The following THSD7A variants were observed in gnomAD, a reference collection of about 807,000 sequenced individuals.
THSD7A encodes the protein thrombospondin type-1 domain-containing protein 7A.
In THSD7A, 96 loss-of-function variants were observed where a neutral mutation model predicts 231.3. The observed-to-expected ratio is 0.41, with a 90% CI of 0.35 to 0.49. The LOEUF is 0.49. Ranked by LOEUF, THSD7A falls within the 20% of genes least tolerant of loss-of-function variation. The pLI is 0.05. For synonymous variants in THSD7A, 940 were observed against 743.3 expected (o/e 1.26, Z -4.30); for missense variants, 2,290 against 2,070.2 (o/e 1.11, Z -2.06).
intron 1 of THSD7A, among the ~76,000 whole-genome samples, chr7:11,748,533 G>T (rs75957631): frequency 0.043 from 6,506 of 151,780 alleles, 470 homozygotes; most frequent in African/African-American, 0.15. Context: ...TCAATATTTC[G>T]GTAATTTAAA....
At chr7:11,658,733 G>A (rs1225529008) in intron 1 of THSD7A, among the ~76,000 whole-genome samples, 3 of 151,632 alleles carry the variant, frequency 2.0e-5, no homozygotes, top group Admixed American at 1.3e-4. Context: ...TACGTTATTC[G>A]ATTTCTTGCG....
At chr7:11,528,416 G>A (rs919284811) in intron 6 of THSD7A, among the ~76,000 whole-genome samples, 3 of 152,098 alleles carry the variant, frequency 2.0e-5, no homozygotes, top group African/African-American at 7.2e-5. Flanking sequence ...AAGTAGATGG[G>A]ATATACTGCT....
chr7:11,507,063 T>C (rs1006045804), intron 6 of THSD7A, among the ~76,000 whole-genome samples: 1 of 152,192 alleles, frequency 6.6e-6, no homozygotes, highest in African/African-American at 2.4e-5. Flanking sequence ...AGAACATTCT[T>C]ATTAAATGTT....
chr7:11,476,050 CT>C (rs950928662), intron 7 of THSD7A, among the ~76,000 whole-genome samples: 2 of 144,406 alleles, frequency 1.4e-5, no homozygotes, highest in African/African-American at 2.6e-5. Context: ...TTAAATGAAA[CT>C]TGTTAGGATC....
Position 11,654,688 on chromosome 7 carries a change from G to T in THSD7A, c.191-17727C>A, listed in dbSNP as rs565256883. 1.4e-4 allele frequency among the ~76,000 whole-genome samples: 21 copies of T among 151,898 alleles called. No homozygotes were observed. The East Asian group carries it at 4.1e-3, about 30-fold the overall frequency. ...ATAACTTAAAAAATATATTAGTATT[G>T]GTTTATGTGGCCAATCTGTATTTCA... On this transcript the variant is annotated intron_variant, in intron 1 of 27. Transcript: ENST00000423059.
intron 4 of THSD7A, among the ~76,000 whole-genome samples, chr7:11,588,507 T>G (rs1780011290): frequency 6.6e-6 from 1 of 152,248 alleles, no homozygotes; most frequent in South Asian, 2.1e-4. Context: ...GACCTTTGCT[T>G]TGGCATTTGC....
intron 1 of THSD7A, among the ~76,000 whole-genome samples, chr7:11,644,237 A>T (rs1301576445): frequency 2.0e-5 from 3 of 151,994 alleles, no homozygotes; most frequent in Admixed American, 2.0e-4. Context: ...AGAAGCAAAC[A>T]TGTGATCTTA....
intron 4 of THSD7A, among the ~76,000 whole-genome samples, chr7:11,549,875 G>C (rs932553612): frequency 1.3e-5 from 2 of 151,956 alleles, no homozygotes; most frequent in Admixed American, 6.6e-5. Context: ...GCACACATTT[G>C]CCTATGTAAT....
chr7:11,567,784 C>CCA (rs1790427279), intron 4 of THSD7A, among the ~76,000 whole-genome samples: 1 of 152,144 alleles, frequency 6.6e-6, no homozygotes, highest in South Asian at 2.1e-4. Flanking sequence ...ACAAGTCAGA[C>CCA]CAGTTTTGCA....
intron 1 of THSD7A, among the ~76,000 whole-genome samples, chr7:11,764,211 A>G (rs1242213705): frequency 6.6e-6 from 1 of 152,240 alleles, no homozygotes; most frequent in African/African-American, 2.4e-5. Flanking sequence ...GTGCTTGACA[A>G]CACAGCTGTC....
intron 4 of THSD7A, among the ~76,000 whole-genome samples, chr7:11,548,689 C>G (rs963524673): frequency 6.6e-6 from 1 of 151,958 alleles, no homozygotes; most frequent in Admixed American, 6.6e-5. Flanking sequence ...ATTCCTGGGA[C>G]AAAAGGTTGG....
intron 4 of THSD7A, among the ~76,000 whole-genome samples, chr7:11,549,134 A>G (rs751135945): frequency 2.0e-5 from 3 of 152,216 alleles, no homozygotes; most frequent in South Asian, 2.1e-4. Context: ...GCCAACAAAC[A>G]TAACAAAAGT....
chr7:11,782,070 A>G (rs1406159303), intron 1 of THSD7A, among the ~76,000 whole-genome samples: 1 of 152,220 alleles, frequency 6.6e-6, no homozygotes, highest in African/African-American at 2.4e-5. Context: ...GGGAAGATAC[A>G]GTCACCTTTG....
rs750540967 is a variant in THSD7A at position 11,406,282 on chromosome 7, C to T, written c.4237+18G>A. The stretch of plus-strand genomic sequence containing the variant: ...GGAAAAAATAATCAGAATATGAATT[C>T]TCCTTTGCCGTTGTTACCTGGGCAA... On this transcript the variant is annotated intron_variant, in intron 22 of 27. Coordinates refer to ENST00000423059, the MANE Select transcript of THSD7A (RefSeq NM_015204.3). The surrounding 1 kb of genome is among the most constrained non-coding windows in gnomAD (Gnocchi z 4.7). The T allele has an allele frequency of 1.3e-6, 2 of 1,590,368 alleles. No individual in the cohort carries two copies. The highest frequency in any genetic ancestry group is 1.2e-5 in the South Asian group (1 of 86,602).
intron 6 of THSD7A, among the ~76,000 whole-genome samples, chr7:11,540,632 ATG>A (rs1789105458): frequency 6.6e-6 from 1 of 152,178 alleles, no homozygotes; most frequent in South Asian, 2.1e-4. Context: ...GTTTTAAAGT[ATG>A]TCTGGGGGAG....
intron 1 of THSD7A, among the ~76,000 whole-genome samples, chr7:11,709,614 G>A (rs1332392245): frequency 6.6e-6 from 1 of 150,970 alleles, no homozygotes; most frequent in Admixed American, 6.6e-5. Flanking sequence ...AAAAAATACA[G>A]TAAGGCCTTA....
At chr7:11,488,608 T>A (rs1052345573) in intron 6 of THSD7A, among the ~76,000 whole-genome samples, 16 of 152,134 alleles carry the variant, frequency 1.1e-4, no homozygotes, top group African/African-American at 3.9e-4. Flanking sequence ...TTTACAAATC[T>A]CGAATCCATT....
Position 11,753,544 on chromosome 7 carries a change from TTCTCTCTCTC to T in THSD7A, c.190+78203_190+78212del, listed in dbSNP as rs35547018. 5.2e-4 allele frequency among the ~76,000 whole-genome samples: 74 copies of T among 141,824 alleles called. 2 individuals carry two copies. Among genetic ancestry groups the T allele is most frequent in the Middle Eastern group, 3.6e-3 (1 of 280 alleles). 93.0% of individuals were successfully genotyped at this position (141,824 alleles called of 152,430 possible). A position where few individuals can be genotyped will look rare whatever the true frequency, so the allele number is the denominator to read the frequency against. ...CAACACTGCTTATATATGCAGCCCT[TTCTCTCTCTC>T]TCTCTCTCTCTCTCTCTCTCTCTGC... On this transcript the variant is annotated intron_variant, in intron 1 of 27. Coordinates refer to ENST00000423059, the MANE Select transcript of THSD7A (RefSeq NM_015204.3).
rs1784974638 is a variant in THSD7A, at chr7:11,446,441, A to C, written c.2801-117T>G. ...TTCTTCATTTTTAACCATATTTAAC[A>C]GTAGCCTATAAATCAATGCTATTTT... On this transcript the variant is annotated intron_variant, in intron 12 of 27. Coordinates refer to ENST00000423059, the MANE Select transcript of THSD7A (RefSeq NM_015204.3). This position sits in a 1 kb window ranked among gnomAD's most constrained non-coding sequence, Gnocchi z 4.0. 2 of 1,163,264 alleles carry C rather than the reference A, an allele frequency of 1.7e-6. No homozygotes were observed. Among genetic ancestry groups the C allele is most frequent in the Non-Finnish European group, 2.4e-6 (2 of 827,554 alleles). 72.1% of individuals were successfully genotyped at this position (1,163,264 alleles called of 1,614,324 possible).
Sources: gnomAD v4.1 joint callset for allele counts (sites outside exome capture counted in the v4.1 genomes callset) on GRCh38, gnomAD v4.1.1 for gene constraint, Gnocchi (gnomAD v3.1) non-coding constraint, MANE v1.5 for transcripts, NCBI Gene and HGNC (gene_info 2026-07-23, HGNC 2026-07-21) for gene names.